NAALADL1: variants seen among roughly 807,000 people sequenced by gnomAD.
The protein encoded by NAALADL1 is N-acetylated alpha-linked acidic dipeptidase like 1.
Under a neutral mutation model 82.8 loss-of-function variants are expected in NAALADL1, and 77 were observed. That is an observed-to-expected ratio of 0.93 (90% CI 0.77 to 1.12). The LOEUF (loss-of-function observed/expected upper bound fraction) is 1.12, where lower values mean the gene tolerates loss of function less well. Ranked by LOEUF, NAALADL1 falls within the 50% of genes most tolerant of loss-of-function variation. The pLI is 0.00. For synonymous variants in NAALADL1, 358 were observed against 399.2 expected (o/e 0.90, Z 1.23); for missense variants, 956 against 964.0 (o/e 0.99, Z 0.11).
chr11:65,059,153 CG>C, upstream of NAALADL1, among the ~76,000 whole-genome samples: 1 of 152,084 alleles, frequency 6.6e-6, no homozygotes, highest in South Asian at 2.1e-4. Context: ...GCTGGGATTA[CG>C]GGTGTGCACC....
chr11:65,058,045 C>T, intron 2 of NAALADL1, 33 bp downstream of exon 2: 1 of 1,612,626 alleles, frequency 6.2e-7, no homozygotes, highest in Admixed American at 1.7e-5. Context: ...GCTCCCCACC[C>T]CCGGGCATTC....
In NAALADL1 at chr11:65,046,054, A is replaced by T. The variant is rs761428164; in HGVS notation, c.1916T>A (p.Ile639Lys). 3.1e-6 allele frequency: 5 copies of T among 1,613,894 alleles called. No individual in the cohort carries two copies. The South Asian group carries it at 5.5e-5, about 18-fold the overall frequency. ...AGGGCTGCCCTTCTGCAGTGTTGAT[A>T]TGCGTTGGCCCAAGGCTGCAGCTTC... ...EAEAAALGQR[I>K]STLQKGSPDP... Residue 639 changes from isoleucine to lysine, a missense_variant, in exon 16 of 18, where the codon ATA (isoleucine) becomes AAA (lysine). By Grantham distance (102) the Ile-to-Lys change is moderately radical. Transcript: ENST00000358658.
intron 3 of NAALADL1, 40 bp from the exon 4 acceptor site, chr11:65,057,533 C>T (rs187251268): frequency 2.1e-5 from 34 of 1,586,556 alleles, no homozygotes; most frequent in Non-Finnish European, 2.7e-5. Flanking sequence ...CTGGGCCCAG[C>T]GAAGTGTGGG....
Position 65,048,159 on chromosome 11 carries a change from CGAGATG to C in NAALADL1, c.1335_1340del (p.Asp445_Ser447delinsGlu). The C allele has an allele frequency of 6.2e-7, 1 of 1,614,124 alleles. No individual in the cohort carries two copies. Among genetic ancestry groups the C allele is most frequent in the Non-Finnish European group, 8.5e-7 (1 of 1,180,008 alleles). On this transcript the variant is annotated inframe_deletion, in exon 10 of 18. Transcript: ENST00000358658. ...GCCCCACCACCCACATACCAAACAC[CGAGATG>C]TCCACGTTGATGTAGGCCACCGTGC...
intron 8 of NAALADL1, among the ~76,000 whole-genome samples, chr11:65,050,560 C>T (rs1470294673): frequency 2.0e-5 from 3 of 150,568 alleles, no homozygotes; most frequent in Admixed American, 6.6e-5. Flanking sequence ...AAGGCCAGAG[C>T]GGGTGGATCA....
At chr11:65,045,974 G>C in intron 16 of NAALADL1, 53 bp downstream of exon 16, 1 of 1,611,606 alleles carries the variant, frequency 6.2e-7, no homozygotes, top group Non-Finnish European at 8.5e-7. Context: ...TACCAGCCTG[G>C]TATCCTGCCC....
chr11:65,045,763 G>A (rs1258200115), intron 17 of NAALADL1, 59 bp downstream of exon 17: 1 of 1,505,898 alleles, frequency 6.6e-7, no homozygotes, highest in Admixed American at 1.7e-5. Flanking sequence ...CGTCTCAGGT[G>A]GGGAGCCATT....
upstream of NAALADL1, among the ~76,000 whole-genome samples, chr11:65,059,597 C>T (rs1271885142): frequency 1.3e-5 from 2 of 152,242 alleles, no homozygotes; most frequent in African/African-American, 4.8e-5. Flanking sequence ...CTTCTATCCC[C>T]TGGCTCTGCC....
Position 65,045,373 on chromosome 11 carries a change from A to G in NAALADL1, c.2121T>C (p.Ala707=). 6.2e-7 allele frequency: 1 copy of G among 1,612,396 alleles called. No individual in the cohort carries two copies. Among genetic ancestry groups the G allele is most frequent in the Non-Finnish European group, 8.5e-7 (1 of 1,179,422 alleles). ...CCTCAGCCCAAGCTTCAGATCCAGA[A>G]GCTGTGTCCCTGGCCCTGGAGCAGG... ...SNACSRARDT[A]SGSEAWAEVQ... is the part of the protein sequence containing the mutation. Residue 707 remains alanine (A), a synonymous_variant, in exon 18 of 18, where the codon GCT becomes GCC. Coordinates refer to ENST00000358658, the MANE Select transcript of NAALADL1 (RefSeq NM_005468.3).
chr11:65,047,433 G>T, intron 13 of NAALADL1, 42 bp downstream of exon 13: 1 of 1,509,994 alleles, frequency 6.6e-7, no homozygotes, highest in Non-Finnish European at 9.0e-7. Context: ...GGGGGCGCAT[G>T]CAGCAAGGTA....
chr11:65,047,612 C>T (rs758171339), intron 12 of NAALADL1, 35 bp downstream of exon 12: 2 of 1,583,074 alleles, frequency 1.3e-6, no homozygotes, highest in East Asian at 2.3e-5. Context: ...GGCCGGACCG[C>T]CTCGCTCCGG....
intron 8 of NAALADL1, among the ~76,000 whole-genome samples, chr11:65,051,326 T>C (rs1208438036): frequency 1.9e-4 from 9 of 48,364 alleles, no homozygotes; most frequent in East Asian, 6.8e-3. Context: ...TTTTTTTTTT[T>C]TTTTTTTTTT....
Position 65,053,210 on chromosome 11 carries a change from C to A in NAALADL1, c.1198+8G>T. The A allele has an allele frequency of 6.5e-7, 1 of 1,532,694 alleles. No individual in the cohort carries two copies. Among genetic ancestry groups the A allele is most frequent in the Non-Finnish European group, 8.8e-7 (1 of 1,137,930 alleles). The allele number at this position is 1,532,694 out of a possible 1,614,324, so 94.9% of individuals were successfully genotyped here. A position where few individuals can be genotyped will look rare whatever the true frequency, so the allele number is the denominator to read the frequency against. ...AGGTCCCTGGTCCAGGGGAGGGGGC[C>A]GCCTCACCCTTCTTCAGCAGGGTCC... On this transcript the variant is annotated splice_region_variant and intron_variant, in intron 8 of 17. Coordinates refer to ENST00000358658, the MANE Select transcript of NAALADL1 (RefSeq NM_005468.3). This position sits in a 1 kb window ranked among gnomAD's most constrained non-coding sequence, Gnocchi z 4.3.
Position 65,047,711 on chromosome 11 carries a change from T to C in NAALADL1, c.1444A>G (p.Ser482Gly), listed in dbSNP as rs758116174. Reference sequence around the variant, plus strand: ...TACCGGATCCAGTTGTCGTAGATGCTCAGGTCGCCAGGGCCTGGTGAGCGG... The same window carrying C: ...TACCGGATCCAGTTGTCGTAGATGCCCAGGTCGCCAGGGCCTGGTGAGCGG... ...EIRSPGPGDL[S>G]IYDNWIRYFN... Residue 482 changes from serine to glycine, a missense_variant, in exon 12 of 18, where the codon AGC (serine) becomes GGC (glycine). By Grantham distance (56) the Ser-to-Gly change is moderately conservative. Coordinates refer to ENST00000358658, the MANE Select transcript of NAALADL1 (RefSeq NM_005468.3). The C allele has an allele frequency of 1.2e-6, 2 of 1,606,696 alleles. No individual in the cohort carries two copies. The highest frequency in any genetic ancestry group is 2.2e-5 in the South Asian group (2 of 89,056).
rs746216867 is a variant in NAALADL1, at chr11:65,058,413, G to GGGGGA, written c.108_109insTCCCC (p.Pro37SerfsTer103). 3 of 1,614,038 alleles carry GGGGGA rather than the reference G, an allele frequency of 1.9e-6. No homozygotes were observed. The South Asian group carries it at 3.3e-5, about 18-fold the overall frequency. On this transcript the variant is annotated frameshift_variant, in exon 1 of 18. Transcript: ENST00000358658. LOFTEE classifies it high-confidence loss of function. ...AGGATCTCCAGGTCCAGGTCCTGGGGGGCCAGTGAGTTGGCTTTTTTGGGG... is the reference window on the plus strand; with the variant it reads ...AGGATCTCCAGGTCCAGGTCCTGGGGGGGGAGGCCAGTGAGTTGGCTTTTTTGGGG...
chr11:65,057,866 T>C lies in NAALADL1; in HGVS notation c.480+9A>G. 1.9e-6 allele frequency: 3 copies of C among 1,613,468 alleles called. No homozygotes were observed. The highest frequency in any genetic ancestry group is 2.5e-6 in the Non-Finnish European group (3 of 1,179,880). ...TGGGCCAGAGCAGTAGGGGGGGTTC[T>C]GGGCCCACCTGTGGGGTTCCAGAAG... On this transcript the variant is annotated intron_variant, in intron 3 of 17. Transcript: ENST00000358658.
In NAALADL1 at chr11:65,045,576, C is replaced by T. The variant is rs1946701141; in HGVS notation, c.2037-119G>A. 5 of 1,149,784 alleles carry T rather than the reference C, an allele frequency of 4.3e-6. No homozygotes were observed. The South Asian group carries it at 4.9e-5, about 11-fold the overall frequency. 71.2% of individuals were successfully genotyped at this position (1,149,784 alleles called of 1,614,324 possible). Reference sequence around the variant, plus strand: ...CGAGGCAGAAAAGCACCCCCGTCCACTTGTCTCTGAAGGCCAGGGAGCTCT... The same window carrying T: ...CGAGGCAGAAAAGCACCCCCGTCCATTTGTCTCTGAAGGCCAGGGAGCTCT... On this transcript the variant is annotated intron_variant, in intron 17 of 17. Coordinates refer to ENST00000358658, the MANE Select transcript of NAALADL1 (RefSeq NM_005468.3).
upstream of NAALADL1, among the ~76,000 whole-genome samples, chr11:65,060,754 C>T (rs1947174970): frequency 1.3e-5 from 2 of 152,186 alleles, no homozygotes; most frequent in African/African-American, 4.8e-5. Flanking sequence ...TTCTTTCCTT[C>T]ATCTTTGCTG....
At chr11:65,056,220 A>G (rs952188483) in intron 4 of NAALADL1, among the ~76,000 whole-genome samples, 1 of 152,120 alleles carries the variant, frequency 6.6e-6, no homozygotes, top group Non-Finnish European at 1.5e-5. Context: ...TACACATAAC[A>G]TAAACTTAGC....
Sources: gnomAD v4.1 joint callset for allele counts (sites outside exome capture counted in the v4.1 genomes callset) on GRCh38, gnomAD v4.1.1 for gene constraint, Gnocchi (gnomAD v3.1) non-coding constraint, MANE v1.5 for transcripts, NCBI Gene and HGNC (gene_info 2026-07-23, HGNC 2026-07-21) for gene names.